The following SMG1 variants were observed in gnomAD, a reference collection of about 807,000 sequenced individuals.
SMG1 encodes the protein serine/threonine-protein kinase SMG1.
A neutral mutation model predicts 419.9 loss-of-function variants in SMG1; 22 were observed. The observed-to-expected ratio is 0.05, with a 90% CI of 0.04 to 0.07. The LOEUF (loss-of-function observed/expected upper bound fraction) is 0.07. Ranked by LOEUF, SMG1 falls within the 10% of genes least tolerant of loss-of-function variation. SMG1 has a pLI of 1.00. For synonymous variants in SMG1, 1,538 were observed against 1,553.5 expected, an observed-to-expected ratio of 0.99 and a Z score of 0.23; for missense variants, 3,185 against 4,342.0, an observed-to-expected ratio of 0.73 and a Z score of 7.49.
Position 18,838,455 on chromosome 16 carries a change from T to G in SMG1, c.7096A>C (p.Arg2366=). ...CGAAAAGGTACTTTCTCAGGAACTC[T>G]AAGGCTTTTACCTTGAAAAGACAAA... ...NVCFEKGKSL[R]VPEKVPFRMT... Residue 2366 remains arginine (R), a synonymous_variant, in exon 44 of 63, where the codon AGA becomes CGA. Transcript: ENST00000446231. The G allele has an allele frequency of 9.9e-6, 16 of 1,613,994 alleles. No homozygotes were observed. The highest frequency in any genetic ancestry group is 1.4e-5 in the Non-Finnish European group (16 of 1,179,834).
At chr16:18,859,939 C>T (rs541395753) in intron 26 of SMG1, among the ~76,000 whole-genome samples, 2 of 152,216 alleles carry the variant, frequency 1.3e-5, no homozygotes, top group Non-Finnish European at 2.9e-5. Context: ...TAAGTCGAGG[C>T]CAGGCGTGGT....
At chr16:18,837,212 T>C (rs765356023) in intron 46 of SMG1, 41 bp downstream of exon 46, 45 of 1,488,910 alleles carry the variant, frequency 3.0e-5, no homozygotes, top group South Asian at 1.4e-4. Context: ...AAAATTCTAA[T>C]TAATGGCACA....
intron 9 of SMG1, among the ~76,000 whole-genome samples, chr16:18,882,964 T>C (rs1233681474): frequency 1.3e-5 from 2 of 152,064 alleles, no homozygotes; most frequent in South Asian, 2.1e-4. Context: ...GTGTGGCTTA[T>C]GAGAGGTAAA....
At chr16:18,925,377 C>T (rs927019314) in intron 1 of SMG1, 2 of 152,266 alleles carry the variant, frequency 1.3e-5, no homozygotes, top group African/African-American at 4.8e-5. Flanking sequence ...CCAAGACCAG[C>T]GTGGGTCGAT....
chr16:18,903,480 C>G (rs1188242429), intron 1 of SMG1, among the ~76,000 whole-genome samples: 1 of 152,186 alleles, frequency 6.6e-6, no homozygotes, highest in African/African-American at 2.4e-5. Context: ...CTTCTTCCTT[C>G]TCCCACCACT....
At position 18,838,060 on chromosome 16, in the gene SMG1, C is replaced by T. The variant is rs757036486; in HGVS notation, c.7367G>A (p.Arg2456Gln). ...AGAAAACAGGCTGCGGGTGATCTCTCGCTCCATCTCTCTCTTGCTCTGCTT... is the reference window on the plus strand; with the variant it reads ...AGAAAACAGGCTGCGGGTGATCTCTTGCTCCATCTCTCTCTTGCTCTGCTT... ...ESKQSKREME[R>Q]EITRSLFSSR... Residue 2456 changes from arginine (R) to glutamine (Q), a missense_variant, in exon 45 of 63, where the codon CGA (arginine) becomes CAA (glutamine). Physicochemically the swap from Arg to Gln is conservative, Grantham distance 43. Coordinates refer to ENST00000446231, the MANE Select transcript of SMG1 (RefSeq NM_015092.5). The T allele has an allele frequency of 4.3e-6, 7 of 1,613,970 alleles. No homozygotes were observed. Among genetic ancestry groups the T allele is most frequent in the Non-Finnish European group, 5.9e-6 (7 of 1,179,892 alleles).
chr16:18,815,708 C>A, intron 58 of SMG1, 57 bp from the exon 59 acceptor site: 1 of 1,428,160 alleles, frequency 7.0e-7, no homozygotes, highest in Non-Finnish European at 9.7e-7. Context: ...TAATTACTCT[C>A]AAGACAGTCA....
At chr16:18,856,041 T>G (rs980818472) in intron 29 of SMG1, among the ~76,000 whole-genome samples, 7 of 150,414 alleles carry the variant, frequency 4.7e-5, no homozygotes, top group Non-Finnish European at 8.9e-5. Context: ...CTGCACACGT[T>G]TTTTCTAACC....
At chr16:18,887,758 A>C (rs2036688364) in intron 6 of SMG1, among the ~76,000 whole-genome samples, 1 of 118,352 alleles carries the variant, frequency 8.4e-6, no homozygotes, top group African/African-American at 3.4e-5. Context: ...CATATCAAAA[A>C]CAGTAAAAAA....
intron 42 of SMG1, 93 bp downstream of exon 42, chr16:18,839,605 G>C: frequency 6.7e-7 from 1 of 1,502,052 alleles, no homozygotes. Context: ...GAGGGACAGA[G>C]GAAGGAAGGG....
At chr16:18,897,465 T>C (rs2037177701) in intron 1 of SMG1, among the ~76,000 whole-genome samples, 1 of 152,186 alleles carries the variant, frequency 6.6e-6, no homozygotes, top group Non-Finnish European at 1.5e-5. Context: ...ACTGATTAGG[T>C]ACTGTAGTAT....
chr16:18,926,323 G>C lies in SMG1; in HGVS notation c.-282C>G, dbSNP rs993701689. 4 of 407,832 alleles carry C rather than the reference G, an allele frequency of 9.8e-6. No homozygotes were observed. The highest frequency in any genetic ancestry group is 2.1e-5 in the African/African-American group (1 of 47,392). 25.3% of individuals were successfully genotyped at this position (407,832 alleles called of 1,614,324 possible). A position where few individuals can be genotyped will look rare whatever the true frequency, so the allele number is the denominator to read the frequency against. On this transcript the variant is annotated 5_prime_UTR_variant, in exon 1 of 63. Coordinates refer to ENST00000446231, the MANE Select transcript of SMG1 (RefSeq NM_015092.5). The stretch of plus-strand genomic sequence containing the variant: ...GAGGCGACGTCTTTTCCAGGGCCGT[G>C]CGCGGCCCACGTCGCCGGGGCCCCG...
rs2035275633 is a variant in SMG1 at position 18,862,665 on chromosome 16, C to A, written c.3695+985G>T. Among the ~76,000 whole-genome samples the A allele has an allele frequency of 3.3e-5, 5 of 152,174 alleles. No homozygotes were observed. In the South Asian group the frequency reaches 1.0e-3, roughly 32 times the overall value. ...TCCATACTTGCCCCCCACCTCCAGT[C>A]TCTTCACCATAGCAGAATGAACCAC... On this transcript the variant is annotated intron_variant, in intron 25 of 62. Coordinates refer to ENST00000446231, the MANE Select transcript of SMG1 (RefSeq NM_015092.5).
chr16:18,859,663 C>T lies in SMG1; in HGVS notation c.3846G>A (p.Pro1282=), dbSNP rs370314098. 218 of 1,612,622 alleles carry T rather than the reference C, an allele frequency of 1.4e-4. No homozygotes were observed. In the African/African-American group the frequency reaches 2.0e-3, roughly 15 times the overall value. ...CTTCAATGGATTTCTGAAGTTCCCT[C>T]GGATCCGGACTTAACATGTTAGGAA... ...KLLPNMLSPD[P]RELQKSIEVQ... The change falls in exon 27 of 63, where the codon CCG becomes CCA. Residue 1282 remains proline, a synonymous_variant. Transcript: ENST00000446231.
intron 1 of SMG1, among the ~76,000 whole-genome samples, chr16:18,900,511 G>GA (rs955577837): frequency 4.6e-5 from 7 of 152,158 alleles, no homozygotes; most frequent in Admixed American, 3.9e-4. Flanking sequence ...GTCATCTCTG[G>GA]AAAGTGTGAA....
At chr16:18,905,088 C>T (rs1158916097) in intron 1 of SMG1, among the ~76,000 whole-genome samples, 6 of 151,946 alleles carry the variant, frequency 3.9e-5, no homozygotes, top group Middle Eastern at 3.4e-3. Flanking sequence ...AGTGAAACCC[C>T]GTCTCTACTA....
intron 29 of SMG1, among the ~76,000 whole-genome samples, chr16:18,855,957 T>G (rs2034875935): frequency 6.6e-6 from 1 of 152,174 alleles, no homozygotes; most frequent in African/African-American, 2.4e-5. Flanking sequence ...AATCTCAATC[T>G]CATCCAGCGC....
chr16:18,839,397 T>C (rs1307156347), intron 42 of SMG1, among the ~76,000 whole-genome samples: 1 of 152,110 alleles, frequency 6.6e-6, no homozygotes, highest in African/African-American at 2.4e-5. Flanking sequence ...TTTGTGTCCA[T>C]GTGTGCTCAA....
chr16:18,879,406 T>C, intron 11 of SMG1, 89 bp downstream of exon 11: 1 of 1,295,360 alleles, frequency 7.7e-7, no homozygotes, highest in Non-Finnish European at 1.1e-6. Flanking sequence ...TGAGCCACCA[T>C]GCCCAGACAA....
Sources: gnomAD v4.1 joint callset for allele counts (sites outside exome capture counted in the v4.1 genomes callset) on GRCh38, gnomAD v4.1.1 for gene constraint, MANE v1.5 for transcripts, NCBI Gene and HGNC (gene_info 2026-07-23, HGNC 2026-07-21) for gene names.